Variants in FLRT2 observed in about 807,000 individuals in gnomAD.
The protein encoded by FLRT2 is leucine-rich repeat transmembrane protein FLRT2.
Under a neutral mutation model 40.0 loss-of-function variants are expected in FLRT2, and 15 were observed. That is an observed-to-expected ratio of 0.38 (90% CI 0.25 to 0.58). The LOEUF is 0.58. Among genes scored for constraint, FLRT2 ranks in the 20% least tolerant of loss-of-function variants. The pLI is 0.71. For synonymous variants in FLRT2, 380 were observed against 336.8 expected, an observed-to-expected ratio of 1.13 and a Z score of -1.41; for missense variants, 726 against 840.0, an observed-to-expected ratio of 0.86 and a Z score of 1.68.
At position 85,640,218 on chromosome 14, in the gene FLRT2, T is replaced by C. The variant is rs1448781567; in HGVS notation, c.*16721T>C. 4.7e-5 allele frequency: 7 copies of C among 150,390 alleles called. No individual in the cohort carries two copies. The highest frequency in any genetic ancestry group is 1.7e-4 in the African/African-American group (7 of 40,730). The allele number at this position is 150,390 out of a possible 1,614,324, so 9.3% of individuals were successfully genotyped here. ...TAGTGTAGATTCTGCTGTGAGCTTG[T>C]GGTGGTTCCTTCTGCAGATAAAGCA... On this transcript the variant is annotated 3_prime_UTR_variant, in exon 2 of 2. Coordinates refer to ENST00000330753, the MANE Select transcript of FLRT2 (RefSeq NM_013231.6).
At chr14:85,549,156 T>TG (rs1419675656) in intron 1 of FLRT2, among the ~76,000 whole-genome samples, 1 of 152,118 alleles carries the variant, frequency 6.6e-6, no homozygotes, top group African/African-American at 2.4e-5. Flanking sequence ...TTGTGTGACC[T>TG]GATTCCCCCT....
chr14:85,569,400 G>C (rs12146984), intron 1 of FLRT2, among the ~76,000 whole-genome samples: 1 of 152,170 alleles, frequency 6.6e-6, no homozygotes, highest in Non-Finnish European at 1.5e-5. Flanking sequence ...CAGCAGGGAG[G>C]GCAGAGTCTA....
At chr14:85,601,524 G>C (rs1349029447) in intron 1 of FLRT2, among the ~76,000 whole-genome samples, 15 of 152,134 alleles carry the variant, frequency 9.9e-5, no homozygotes, top group Non-Finnish European at 2.2e-4. Context: ...TAATGGCTTA[G>C]GGAGCAAAGC....
At position 85,623,969 on chromosome 14, in the gene FLRT2, C is replaced by G. The variant is rs1893552653; in HGVS notation, c.*472C>G. The G allele has an allele frequency of 6.0e-6, 1 of 167,596 alleles. No homozygotes were observed. Among genetic ancestry groups the G allele is most frequent in the Non-Finnish European group, 1.5e-5 (1 of 68,484 alleles). The allele number at this position is 167,596 out of a possible 1,614,324, so 10.4% of individuals were successfully genotyped here. On this transcript the variant is annotated 3_prime_UTR_variant, in exon 2 of 2. Transcript: ENST00000330753. ...ATAGTTTCACACTATTCCTATACCT[C>G]CAGGTCCGGAAGACAGGTAAAAAAT...
intron 1 of FLRT2, among the ~76,000 whole-genome samples, chr14:85,576,597 T>G (rs1221006178): frequency 6.6e-6 from 1 of 152,238 alleles, no homozygotes; most frequent in Non-Finnish European, 1.5e-5. Flanking sequence ...CCAAAGACAG[T>G]GTTTTTCAAT....
intron 1 of FLRT2, among the ~76,000 whole-genome samples, chr14:85,534,767 C>T (rs763567298): frequency 2.6e-5 from 4 of 151,840 alleles, no homozygotes; most frequent in Non-Finnish European, 5.9e-5. Flanking sequence ...GTTTCCCGAA[C>T]GGCAGCCTTA....
intron 1 of FLRT2, among the ~76,000 whole-genome samples, chr14:85,604,918 C>G (rs940542761): frequency 6.6e-5 from 10 of 152,088 alleles, no homozygotes; most frequent in Non-Finnish European, 1.3e-4. Context: ...GGCTGTCACT[C>G]CTGTTAGTGC....
intron 1 of FLRT2, among the ~76,000 whole-genome samples, chr14:85,550,501 T>C (rs1016093737): frequency 2.0e-5 from 3 of 152,202 alleles, no homozygotes; most frequent in Non-Finnish European, 2.9e-5. Flanking sequence ...CTAATGTAAT[T>C]ACAATCAGCT....
intron 1 of FLRT2, among the ~76,000 whole-genome samples, chr14:85,587,744 C>G (rs1163851608): frequency 1.3e-5 from 2 of 151,978 alleles, no homozygotes; most frequent in African/African-American, 4.8e-5. Flanking sequence ...AAGAAGAGCT[C>G]GTATTTCAAA....
Position 85,644,161 on chromosome 14 carries a change from A to G in FLRT2, c.*20664A>G, listed in dbSNP as rs1212140473. 6.6e-6 allele frequency: 1 copy of G among 152,082 alleles called. No individual in the cohort carries two copies. The highest frequency in any genetic ancestry group is 1.5e-5 in the Non-Finnish European group (1 of 68,020). The allele number at this position is 152,082 out of a possible 1,614,324, so 9.4% of individuals were successfully genotyped here. A position where few individuals can be genotyped will look rare whatever the true frequency, so the allele number is the denominator to read the frequency against. On this transcript the variant is annotated 3_prime_UTR_variant, in exon 2 of 2. Coordinates refer to ENST00000330753, the MANE Select transcript of FLRT2 (RefSeq NM_013231.6). ...CTTGATTTTTTTTTTTAATCTATGA[A>G]GTAGTTGGCTATGTTTTGGAGAATA...
At position 85,622,376 on chromosome 14, in the gene FLRT2, C is replaced by T. The variant is rs532967357; in HGVS notation, c.862C>T (p.Leu288=). The T allele has an allele frequency of 6.2e-7, 1 of 1,614,184 alleles. No individual in the cohort carries two copies. Among genetic ancestry groups the T allele is most frequent in the Non-Finnish European group, 8.5e-7 (1 of 1,180,028 alleles). The stretch of plus-strand genomic sequence containing the variant: ...ACGGCTGGATATATCCAACAACCAA[C>T]TGCGGATGCTGACTCAAGGGGTTTT... The part of the protein sequence containing the change: ...LERLDISNNQ[L]RMLTQGVFDN... The change falls in exon 2 of 2, where the codon CTG becomes TTG. Residue 288 remains leucine (L), a synonymous_variant. Transcript: ENST00000330753.
At position 85,647,758 on chromosome 14, in the gene FLRT2, C is replaced by T. The variant is rs1270505459; in HGVS notation, c.*24261C>T. 2 of 152,104 alleles carry T rather than the reference C, an allele frequency of 1.3e-5. No homozygotes were observed. The highest frequency in any genetic ancestry group is 2.1e-4 in the South Asian group (1 of 4,820). The allele number at this position is 152,104 out of a possible 1,614,324, so 9.4% of individuals were successfully genotyped here. A position where few individuals can be genotyped will look rare whatever the true frequency, so the allele number is the denominator to read the frequency against. On this transcript the variant is annotated 3_prime_UTR_variant, in exon 2 of 2. Coordinates refer to ENST00000330753, the MANE Select transcript of FLRT2 (RefSeq NM_013231.6). The stretch of plus-strand genomic sequence containing the variant: ...TTTGTCAAGTTAAATGGACAACTAT[C>T]GCAACCACATACAGGCAGAACCACT...
chr14:85,599,566 C>A (rs1441403231), intron 1 of FLRT2, among the ~76,000 whole-genome samples: 1 of 152,182 alleles, frequency 6.6e-6, no homozygotes, highest in Non-Finnish European at 1.5e-5. Flanking sequence ...CTCTATACCA[C>A]ATTGGATTGA....
rs1894260209 is a variant in FLRT2 at position 85,645,105 on chromosome 14, G to T, written c.*21608G>T. On this transcript the variant is annotated 3_prime_UTR_variant, in exon 2 of 2. Transcript: ENST00000330753. ...TGAGTTTTGATCAACCAACCATAAA[G>T]TTGAGCTTGGGCAGCAGAACTCCTA... is the stretch of plus-strand genomic sequence containing the variant. 6.6e-6 allele frequency: 1 copy of T among 151,834 alleles called. No individual in the cohort carries two copies. The highest frequency in any genetic ancestry group is 2.1e-4 in the South Asian group (1 of 4,820). The allele number at this position is 151,834 out of a possible 1,614,324, so 9.4% of individuals were successfully genotyped here.
intron 1 of FLRT2, among the ~76,000 whole-genome samples, chr14:85,531,880 G>A (rs1888304074): frequency 6.6e-6 from 1 of 152,226 alleles, no homozygotes; most frequent in East Asian, 1.9e-4. Flanking sequence ...GTGTGCTCGC[G>A]TGTGTGAGCG....
rs2638796 is a variant in FLRT2 at position 85,647,708 on chromosome 14, A to G, written c.*24211A>G. ...ATGGGACCCAGGGAATTTTACAGAA[A>G]CATCTCTAAGAACTTCCATGCTTTT... On this transcript the variant is annotated 3_prime_UTR_variant, in exon 2 of 2. Coordinates refer to ENST00000330753, the MANE Select transcript of FLRT2 (RefSeq NM_013231.6). 97,760 of 151,886 alleles carry G rather than the reference A, an allele frequency of 0.64. 31,994 individuals are homozygous for G. Among genetic ancestry groups the G allele is most frequent in the East Asian group, 0.79 (4,069 of 5,156 alleles). 9.4% of individuals were successfully genotyped at this position (151,886 alleles called of 1,614,324 possible). A position where few individuals can be genotyped will look rare whatever the true frequency, so the allele number is the denominator to read the frequency against.
At chr14:85,552,596 G>A (rs1889703175) in intron 1 of FLRT2, 1 of 152,066 alleles carries the variant, frequency 6.6e-6, no homozygotes. Flanking sequence ...CTTTCTAAAG[G>A]GCAGAGCCAT....
chr14:85,564,304 C>A (rs1387741957), intron 1 of FLRT2, among the ~76,000 whole-genome samples: 2 of 152,108 alleles, frequency 1.3e-5, no homozygotes, highest in East Asian at 3.9e-4. Context: ...AGTTTAGAAG[C>A]TTTAACAATG....
At position 85,648,869 on chromosome 14, in the gene FLRT2, C is replaced by A. The variant is rs1894368458; in HGVS notation, c.*25372C>A. The A allele has an allele frequency of 6.6e-6, 1 of 152,112 alleles. No homozygotes were observed. Among genetic ancestry groups the A allele is most frequent in the African/African-American group, 2.4e-5 (1 of 41,436 alleles). 9.4% of individuals were successfully genotyped at this position (152,112 alleles called of 1,614,324 possible). A position where few individuals can be genotyped will look rare whatever the true frequency, so the allele number is the denominator to read the frequency against. On this transcript the variant is annotated 3_prime_UTR_variant, in exon 2 of 2. Coordinates refer to ENST00000330753, the MANE Select transcript of FLRT2 (RefSeq NM_013231.6). ...ATAATTTATTTTGATAAGGACTTAA[C>A]ACAATGCTTGGCACATAAGAGGAAT...
Sources: gnomAD v4.1 joint callset for allele counts (sites outside exome capture counted in the v4.1 genomes callset) on GRCh38, gnomAD v4.1.1 for gene constraint, MANE v1.5 for transcripts, NCBI Gene and HGNC (gene_info 2026-07-23, HGNC 2026-07-21) for gene names.